LMX1A: variants seen among roughly 807,000 people sequenced by gnomAD.
LMX1A encodes the protein LIM homeobox transcription factor 1-alpha.
Under a neutral mutation model 49.1 loss-of-function variants are expected in LMX1A, and 15 were observed. That is an observed-to-expected ratio of 0.31 (90% CI 0.20 to 0.47). LMX1A has a LOEUF of 0.47. Ranked by LOEUF, LMX1A falls within the 20% of genes least tolerant of loss-of-function variation. LMX1A has a pLI of 1.00. For missense variants in LMX1A, 372 were observed against 475.8 expected, an observed-to-expected ratio of 0.78 and a Z score of 2.03; for synonymous variants, 167 against 185.7, an observed-to-expected ratio of 0.90 and a Z score of 0.82.
At chr1:165,275,805 C>A (rs1428125864) in intron 3 of LMX1A, among the ~76,000 whole-genome samples, 2 of 150,818 alleles carry the variant, frequency 1.3e-5, no homozygotes, top group Non-Finnish European at 2.9e-5. Context: ...TGCTCTCATG[C>A]CTCTGGTTTC....
intron 3 of LMX1A, among the ~76,000 whole-genome samples, chr1:165,275,982 T>G (rs890571711): frequency 6.6e-6 from 1 of 151,764 alleles, no homozygotes; most frequent in African/African-American, 2.4e-5. Flanking sequence ...TGTTTGGGAA[T>G]GTCGCTGAGT....
rs539938685 is a variant in LMX1A at position 165,266,557 on chromosome 1, C to CAT, written c.264-16919_264-16918dup. Among the ~76,000 whole-genome samples the CAT allele has an allele frequency of 5.5e-3, 817 of 148,896 alleles. 6 individuals carry two copies. Among genetic ancestry groups the CAT allele is most frequent in the African/African-American group, 0.019 (760 of 40,736 alleles). On this transcript the variant is annotated intron_variant, in intron 3 of 8. Transcript: ENST00000342310. ...GGGAGGGCATTTTGCAAAGAAGCAA[C>CAT]ATGCTGGATGAACTAATTTTCTTTC...
chr1:165,256,622 A>C (rs1226868615), intron 3 of LMX1A, among the ~76,000 whole-genome samples: 1 of 152,226 alleles, frequency 6.6e-6, no homozygotes, highest in African/African-American at 2.4e-5. Flanking sequence ...TATCTATTCT[A>C]TTAATAGAAG....
At chr1:165,218,646 G>A (rs1268712600) in intron 4 of LMX1A, 1 of 152,220 alleles carries the variant, frequency 6.6e-6, no homozygotes, top group Non-Finnish European at 1.5e-5. Flanking sequence ...AATATGCAGT[G>A]CCTAAAATTT....
At position 165,203,676 on chromosome 1, in the gene LMX1A, T is replaced by G. The variant is rs1165759870; in HGVS notation, c.*204A>C. On this transcript the variant is annotated 3_prime_UTR_variant, in exon 9 of 9. Coordinates refer to ENST00000342310, the MANE Select transcript of LMX1A (RefSeq NM_177398.4). ...TTCATATCTAATGCTAAGACTCTTA[T>G]TAGAAACATTAAACTATGCAATCCA... 2 of 461,002 alleles carry G rather than the reference T, an allele frequency of 4.3e-6. No homozygotes were observed. The highest frequency in any genetic ancestry group is 3.8e-5 in the African/African-American group (2 of 52,112). 28.6% of individuals were successfully genotyped at this position (461,002 alleles called of 1,614,324 possible). A position where few individuals can be genotyped will look rare whatever the true frequency, so the allele number is the denominator to read the frequency against.
At chr1:165,240,273 C>G (rs1013057315) in intron 4 of LMX1A, among the ~76,000 whole-genome samples, 1 of 151,932 alleles carries the variant, frequency 6.6e-6, no homozygotes, top group African/African-American at 2.4e-5. Context: ...AAATATATTT[C>G]TTCACAAATA....
chr1:165,209,838 G>A (rs1047608622), intron 6 of LMX1A, among the ~76,000 whole-genome samples: 2 of 152,184 alleles, frequency 1.3e-5, no homozygotes, highest in Admixed American at 6.5e-5. Flanking sequence ...CAGTTGATCC[G>A]AAGCATAGGT....
intron 3 of LMX1A, among the ~76,000 whole-genome samples, chr1:165,303,201 G>C (rs777782926): frequency 6.6e-6 from 1 of 152,146 alleles, no homozygotes; most frequent in Non-Finnish European, 1.5e-5. Flanking sequence ...CTCCTTGTGT[G>C]CCAAAATTAC....
rs1380156386 is a variant in LMX1A, at chr1:165,249,556, G to A, written c.348C>T (p.His116=). 1 of 1,614,044 alleles carries A rather than the reference G, an allele frequency of 6.2e-7. No homozygotes were observed. The highest frequency in any genetic ancestry group is 8.5e-7 in the Non-Finnish European group (1 of 1,180,038). ...AGACACAGCAGCAGAAGCAGCTCAG[G>A]TGGTATACACTCTTCTGGGCCCGCA... is the stretch of plus-strand genomic sequence containing the variant. The part of the protein sequence containing the change: ...FVMRAQKSVY[H]LSCFCCCVCE... Residue 116 remains histidine, a synonymous_variant, in exon 4 of 9, where the codon CAC becomes CAT. Transcript: ENST00000342310.
At chr1:165,315,434 TA>T (rs1480489096) in intron 3 of LMX1A, among the ~76,000 whole-genome samples, 1 of 152,230 alleles carries the variant, frequency 6.6e-6, no homozygotes, top group Non-Finnish European at 1.5e-5. Context: ...TCGGAAATCT[TA>T]ACTATAGCTT....
intron 4 of LMX1A, among the ~76,000 whole-genome samples, chr1:165,226,893 T>C (rs779217113): frequency 1.3e-5 from 2 of 152,232 alleles, no homozygotes; most frequent in Non-Finnish European, 2.9e-5. Context: ...AACATATTTG[T>C]TGTGCAAAGT....
chr1:165,230,139 AGT>A (rs1422617093), intron 4 of LMX1A, among the ~76,000 whole-genome samples: 4 of 152,228 alleles, frequency 2.6e-5, no homozygotes, highest in Admixed American at 6.5e-5. Flanking sequence ...AGAACCCAGC[AGT>A]GTTTGGACCC....
chr1:165,313,838 T>C (rs1398615078), intron 3 of LMX1A, among the ~76,000 whole-genome samples: 2 of 152,196 alleles, frequency 1.3e-5, no homozygotes, highest in Non-Finnish European at 2.9e-5. Flanking sequence ...TTAAGAAAGC[T>C]AGAAAAGCCC....
chr1:165,349,473 A>T (rs911773556), intron 3 of LMX1A, among the ~76,000 whole-genome samples: 74 of 152,232 alleles, frequency 4.9e-4, no homozygotes, highest in African/African-American at 1.7e-3. Flanking sequence ...TTCATATGAC[A>T]TGGTACAGAT....
chr1:165,297,056 T>C (rs1368954163), intron 3 of LMX1A, among the ~76,000 whole-genome samples: 1 of 152,194 alleles, frequency 6.6e-6, no homozygotes, highest in Non-Finnish European at 1.5e-5. Context: ...CAGCAGACCG[T>C]GAAGGAAGTG....
intron 4 of LMX1A, among the ~76,000 whole-genome samples, chr1:165,237,715 C>G (rs1227897004): frequency 6.6e-6 from 1 of 152,174 alleles, no homozygotes; most frequent in Non-Finnish European, 1.5e-5. Flanking sequence ...AGCAGAGTAC[C>G]TAGTTTGCCA....
At position 165,282,556 on chromosome 1, in the gene LMX1A, G is replaced by GCAGA. The variant is rs60900358; in HGVS notation, c.264-32920_264-32917dup. On this transcript the variant is annotated intron_variant, in intron 3 of 8. Transcript: ENST00000342310. ...CCCATGATTGGTTGAATCTATGGAT[G>GCAGA]CAGAACCTGTGGCTCTGGAACCCTC... is the stretch of plus-strand genomic sequence containing the variant. Among the ~76,000 whole-genome samples, 538 of 152,250 alleles carry GCAGA rather than the reference G, an allele frequency of 3.5e-3. 3 individuals are homozygous for GCAGA. The highest frequency in any genetic ancestry group is 0.012 in the African/African-American group (511 of 41,550).
At chr1:165,271,431 C>A (rs547179664) in intron 3 of LMX1A, among the ~76,000 whole-genome samples, 68 of 152,302 alleles carry the variant, frequency 4.5e-4, no homozygotes, top group African/African-American at 1.6e-3. Context: ...AAAAATAGTT[C>A]TCCTATTGGT....
chr1:165,300,997 G>T (rs904058999), intron 3 of LMX1A, among the ~76,000 whole-genome samples: 1 of 152,158 alleles, frequency 6.6e-6, no homozygotes, highest in Non-Finnish European at 1.5e-5. Context: ...TAATGAAATG[G>T]AGCCCAGATA....
Sources: gnomAD v4.1 joint callset for allele counts (sites outside exome capture counted in the v4.1 genomes callset) on GRCh38, gnomAD v4.1.1 for gene constraint, MANE v1.5 for transcripts, NCBI Gene and HGNC (gene_info 2026-07-23, HGNC 2026-07-21) for gene names.